ETS1: variants seen among roughly 807,000 people sequenced by gnomAD.
ETS1 encodes protein C-ets-1.
Under a neutral mutation model 58.6 loss-of-function variants are expected in ETS1, and 15 were observed. The ratio of observed to expected loss-of-function variants is 0.26; its 90% confidence interval spans 0.17 to 0.39. The LOEUF (loss-of-function observed/expected upper bound fraction) is 0.39, where lower values mean the gene tolerates loss of function less well. Ranked by LOEUF, ETS1 falls within the 10% of genes least tolerant of loss-of-function variation. ETS1 has a pLI of 1.00. For missense variants in ETS1, 417 were observed against 610.5 expected (o/e 0.68, Z 3.34); for synonymous variants, 214 against 218.2 (o/e 0.98, Z 0.17).
At chr11:128,521,928 G>C in intron 3 of ETS1, 2 of 1,605,796 alleles carry the variant, frequency 1.2e-6, no homozygotes, top group Admixed American at 1.7e-5. Flanking sequence ...GAGGGGAAAA[G>C]CTCCAGATCG....
rs761041415 is a variant in ETS1 at position 128,520,461 on chromosome 11, T to C, written c.215-29885A>G. Among the ~76,000 whole-genome samples, 19 of 152,368 alleles carry C rather than the reference T, an allele frequency of 1.2e-4. No individual in the cohort carries two copies. The South Asian group carries it at 2.1e-3, about 17-fold the overall frequency. On this transcript the variant is annotated intron_variant, in intron 3 of 9. Coordinates refer to ENST00000392668, the MANE Select transcript of ETS1 (RefSeq NM_001143820.2). ...GGAAAGGACCTATTAGTTGAGTTTA[T>C]ATCTTTGATGTGAACTATCTTTTCA...
At chr11:128,502,296 C>T (rs1345887791) in intron 3 of ETS1, among the ~76,000 whole-genome samples, 1 of 152,178 alleles carries the variant, frequency 6.6e-6, no homozygotes, top group Non-Finnish European at 1.5e-5. Flanking sequence ...GCTTGCTTGC[C>T]TTCTGCTAAA....
intron 3 of ETS1, among the ~76,000 whole-genome samples, chr11:128,538,113 A>G (rs1863997314): frequency 6.6e-6 from 1 of 152,176 alleles, no homozygotes; most frequent in Non-Finnish European, 1.5e-5. Context: ...AACTTACCGA[A>G]GAAAATACAA....
intron 3 of ETS1, among the ~76,000 whole-genome samples, chr11:128,491,992 C>T (rs1591613405): frequency 6.6e-6 from 1 of 152,346 alleles, no homozygotes; most frequent in East Asian, 1.9e-4. Context: ...TAAACATCTT[C>T]TGAATTAACC....
At chr11:128,480,489 A>T (rs1469669563) in intron 7 of ETS1, 38 bp from the exon 8 acceptor site, 2 of 1,440,848 alleles carry the variant, frequency 1.4e-6, no homozygotes, top group Non-Finnish European at 1.9e-6. Flanking sequence ...GGACAGGGGG[A>T]GGAGGGAGTG....
At chr11:128,537,897 G>C (rs1357597265) in intron 3 of ETS1, among the ~76,000 whole-genome samples, 1 of 152,166 alleles carries the variant, frequency 6.6e-6, no homozygotes, top group Non-Finnish European at 1.5e-5. Context: ...GGGAGAAGAA[G>C]TAATGAGATG....
At chr11:128,568,206 G>A (rs1767975536) in intron 2 of ETS1, among the ~76,000 whole-genome samples, 1 of 152,160 alleles carries the variant, frequency 6.6e-6, no homozygotes, top group Non-Finnish European at 1.5e-5. Context: ...CATGGCCAAA[G>A]GGGTCACTAG....
rs1565421300 is a variant in ETS1, at chr11:128,585,061, AAAG to A, written c.-15+2424_-15+2426del. On this transcript the variant is annotated intron_variant, in intron 1 of 9. Coordinates refer to ENST00000392668, the MANE Select transcript of ETS1 (RefSeq NM_001143820.2). ...GAAAGAAAGAAAGAAAGAAAGAAAG[AAAG>A]AAAGAAAGAAAGAGAAAGAAAGAAA... Among the ~76,000 whole-genome samples, 44 of 26,706 alleles carry A rather than the reference AAAG, an allele frequency of 1.6e-3. 9 individuals carry two copies. Among genetic ancestry groups the A allele is most frequent in the African/African-American group, 0.012 (32 of 2,646 alleles). The allele number at this position is 26,706 out of a possible 152,430, so 17.5% of individuals were successfully genotyped here.
At position 128,460,358 on chromosome 11, in the gene ETS1, C is replaced by T. The variant is rs1445491438; in HGVS notation, c.*2003G>A. The T allele has an allele frequency of 6.5e-6, 1 of 152,784 alleles. No homozygotes were observed. The highest frequency in any genetic ancestry group is 1.5e-5 in the Non-Finnish European group (1 of 68,044). The allele number at this position is 152,784 out of a possible 1,614,324, so 9.5% of individuals were successfully genotyped here. On this transcript the variant is annotated 3_prime_UTR_variant, in exon 10 of 10. Coordinates refer to ENST00000392668, the MANE Select transcript of ETS1 (RefSeq NM_001143820.2). ...TCCAATTCATCAGTATGGGGACACT[C>T]ATGAATCACAGAGCTATGTTCCTGA...
chr11:128,525,558 C>T (rs893988206), intron 3 of ETS1, among the ~76,000 whole-genome samples: 2 of 142,272 alleles, frequency 1.4e-5, no homozygotes, highest in South Asian at 4.7e-4. Context: ...CCACTAACGG[C>T]TGATCCAGAA....
intron 3 of ETS1, among the ~76,000 whole-genome samples, chr11:128,525,640 A>T (rs966827234): frequency 6.7e-6 from 1 of 149,068 alleles, no homozygotes; most frequent in South Asian, 2.1e-4. Flanking sequence ...AAAAAAAAAA[A>T]AGCCCTCAAT....
In ETS1 at chr11:128,490,551, T is replaced by C; in HGVS notation, c.240A>G (p.Leu80=). 1.9e-6 allele frequency: 3 copies of C among 1,612,160 alleles called. No individual in the cohort carries two copies. The highest frequency in any genetic ancestry group is 2.5e-6 in the Non-Finnish European group (3 of 1,178,374). ...VSDMECADVP[L]LTPSSKEMMS... is the part of the protein sequence containing the mutation. Reference sequence around the variant, plus strand: ...TCATTTCTTTGCTGCTTGGAGTTAATAGTGGGACATCTGCACATTCCATAT... The same window carrying C: ...TCATTTCTTTGCTGCTTGGAGTTAACAGTGGGACATCTGCACATTCCATAT... Residue 80 remains leucine, a synonymous_variant, in exon 4 of 10, where the codon CTA becomes CTG. Transcript: ENST00000392668.
chr11:128,472,502 T>C (rs1005408233), intron 8 of ETS1, among the ~76,000 whole-genome samples: 1 of 152,154 alleles, frequency 6.6e-6, no homozygotes, highest in Non-Finnish European at 1.5e-5. Context: ...GCTGTGCTGG[T>C]CTCAACAAGC....
chr11:128,540,573 G>A (rs1433840364), intron 3 of ETS1, among the ~76,000 whole-genome samples: 1 of 152,268 alleles, frequency 6.6e-6, no homozygotes, highest in Non-Finnish European at 1.5e-5. Flanking sequence ...GCCCAGTGGG[G>A]TCTATGAACA....
At chr11:128,570,348 A>G (rs1053092357) in intron 2 of ETS1, among the ~76,000 whole-genome samples, 1 of 150,692 alleles carries the variant, frequency 6.6e-6, no homozygotes, top group Non-Finnish European at 1.5e-5. Flanking sequence ...AGCGATTCTC[A>G]TGCCACAGCC....
intron 3 of ETS1, among the ~76,000 whole-genome samples, chr11:128,529,943 G>GT (rs1482071616): frequency 6.6e-6 from 1 of 152,074 alleles, no homozygotes; most frequent in African/African-American, 2.4e-5. Flanking sequence ...CTCTTTTCTG[G>GT]TATGTACTCT....
chr11:128,568,904 C>A (rs1864563160), intron 2 of ETS1, among the ~76,000 whole-genome samples: 1 of 152,220 alleles, frequency 6.6e-6, no homozygotes, highest in Non-Finnish European at 1.5e-5. Flanking sequence ...TAAGTAAGAG[C>A]CCCTCGGAGC....
intron 3 of ETS1, among the ~76,000 whole-genome samples, chr11:128,502,251 C>T (rs1054869621): frequency 9.9e-5 from 15 of 152,126 alleles, no homozygotes; most frequent in South Asian, 4.1e-4. Context: ...CTTTTTTCTT[C>T]GTATAGTTGC....
chr11:128,558,167 A>C (rs188108525), intron 2 of ETS1, among the ~76,000 whole-genome samples: 14 of 152,322 alleles, frequency 9.2e-5, no homozygotes, highest in Admixed American at 6.5e-4. Flanking sequence ...TGAGGATGTA[A>C]GTGGGACTCA....
Sources: gnomAD v4.1 joint callset for allele counts (sites outside exome capture counted in the v4.1 genomes callset) on GRCh38, gnomAD v4.1.1 for gene constraint, MANE v1.5 for transcripts, NCBI Gene and HGNC (gene_info 2026-07-23, HGNC 2026-07-21) for gene names.